The following ZSWIM5 variants were observed in gnomAD, a reference collection of about 807,000 sequenced individuals.
ZSWIM5 encodes zinc finger SWIM-type containing 5, also known as zinc finger SWIM domain-containing protein 5.
ZSWIM5 carries 55 observed loss-of-function variants against 119.6 expected under a neutral mutation model. That is an observed-to-expected ratio of 0.46 (90% CI 0.37 to 0.58). The LOEUF (loss-of-function observed/expected upper bound fraction) is 0.58, where lower values mean the gene tolerates loss of function less well. Ranked by LOEUF, ZSWIM5 falls within the 20% of genes least tolerant of loss-of-function variation. ZSWIM5 has a pLI of 0.00. For synonymous variants in ZSWIM5, 537 were observed against 606.9 expected, an observed-to-expected ratio of 0.88 and a Z score of 1.69; for missense variants, 1,193 against 1,512.8, an observed-to-expected ratio of 0.79 and a Z score of 3.51.
At chr1:45,125,549 G>A (rs1645615778) in intron 1 of ZSWIM5, among the ~76,000 whole-genome samples, 2 of 151,154 alleles carry the variant, frequency 1.3e-5, no homozygotes, top group South Asian at 4.2e-4. Flanking sequence ...CCAACGCAGG[G>A]GGAATCACGA....
rs115776679 is a variant in ZSWIM5 at position 45,061,290 on chromosome 1, C to A, written c.953-1043G>T. 9.9e-3 allele frequency among the ~76,000 whole-genome samples: 1,505 copies of A among 151,736 alleles called. 23 individuals carry two copies. Among genetic ancestry groups the A allele is most frequent in the African/African-American group, 0.035 (1,432 of 41,352 alleles). On this transcript the variant is annotated intron_variant, in intron 2 of 13. Coordinates refer to ENST00000359600, the MANE Select transcript of ZSWIM5 (RefSeq NM_020883.2). ...CTCTCTTATAGACAGAGTGCTGTAA[C>A]AATTTGTTTTTTAAAAAATTTTAAC...
At chr1:45,115,403 G>A (rs1396172639) in intron 1 of ZSWIM5, among the ~76,000 whole-genome samples, 5 of 149,088 alleles carry the variant, frequency 3.4e-5, no homozygotes, top group African/African-American at 1.2e-4. Flanking sequence ...TGGGCGGAGG[G>A]GCTCCTCACT....
intron 5 of ZSWIM5, among the ~76,000 whole-genome samples, chr1:45,049,046 A>T (rs1189166595): frequency 6.6e-6 from 1 of 152,090 alleles, no homozygotes; most frequent in African/African-American, 2.4e-5. Context: ...TGGGAGGATC[A>T]CTGAAGCCTG....
chr1:45,180,977 A>T (rs1192335241), intron 1 of ZSWIM5, among the ~76,000 whole-genome samples: 1 of 152,094 alleles, frequency 6.6e-6, no homozygotes, highest in Non-Finnish European at 1.5e-5. Flanking sequence ...AACCACAAAG[A>T]TGGGGGAAAA....
intron 1 of ZSWIM5, among the ~76,000 whole-genome samples, chr1:45,165,949 C>T (rs1200691302): frequency 6.6e-6 from 1 of 152,098 alleles, no homozygotes; most frequent in African/African-American, 2.4e-5. Context: ...AAGAGGGAAT[C>T]CTCCCTAACT....
chr1:45,136,398 A>G lies in ZSWIM5; in HGVS notation c.596-48161T>C, dbSNP rs989432567. Among the ~76,000 whole-genome samples the G allele has an allele frequency of 1.2e-4, 18 of 152,312 alleles. No homozygotes were observed. In the South Asian group the frequency reaches 1.7e-3, roughly 14 times the overall value. Reference sequence around the variant, plus strand: ...GCAACTGGGATTACAAGTGTGAGCCACCGCATCCGGCCCATTTGGGTTTTC... The same window carrying G: ...GCAACTGGGATTACAAGTGTGAGCCGCCGCATCCGGCCCATTTGGGTTTTC... On this transcript the variant is annotated intron_variant, in intron 1 of 13. Transcript: ENST00000359600.
chr1:45,109,614 G>A (rs11211080), intron 1 of ZSWIM5, among the ~76,000 whole-genome samples: 22,616 of 151,756 alleles, frequency 0.15, 2,144 homozygotes, highest in African/African-American at 0.26. Context: ...GCATGGTGGC[G>A]CGCGCCTGTA....
chr1:45,021,045 T>A (rs1420476811), intron 11 of ZSWIM5, among the ~76,000 whole-genome samples: 1 of 152,000 alleles, frequency 6.6e-6, no homozygotes, highest in African/African-American at 2.4e-5. Flanking sequence ...AGGATCCTTT[T>A]TTTTTTTGGA....
chr1:45,114,573 TAATA>T lies in ZSWIM5; in HGVS notation c.596-26340_596-26337del, dbSNP rs1456852562. Among the ~76,000 whole-genome samples the T allele has an allele frequency of 2.6e-5, 4 of 152,022 alleles. No homozygotes were observed. The East Asian group carries it at 7.7e-4, about 29-fold the overall frequency. ...CTTTTTCAATAATTGATAGAAAAAA[TAATA>T]TATAGTTCTGCTTTTTCAAATGACA... On this transcript the variant is annotated intron_variant, in intron 1 of 13. Transcript: ENST00000359600.
intron 1 of ZSWIM5, among the ~76,000 whole-genome samples, chr1:45,114,803 T>G (rs1421241079): frequency 6.6e-6 from 1 of 152,228 alleles, no homozygotes; most frequent in Non-Finnish European, 1.5e-5. Flanking sequence ...CCTTCCGCAG[T>G]GTTTGTGTCC....
At chr1:45,120,270 G>A (rs563724130) in intron 1 of ZSWIM5, among the ~76,000 whole-genome samples, 262 of 152,304 alleles carry the variant, frequency 1.7e-3, no homozygotes, top group Non-Finnish European at 3.1e-3. Context: ...CTTGAACCCC[G>A]GAGGGGGAGG....
At chr1:45,190,532 GTTCCC>G (rs972321842) in intron 1 of ZSWIM5, among the ~76,000 whole-genome samples, 4 of 152,120 alleles carry the variant, frequency 2.6e-5, no homozygotes, top group African/African-American at 9.7e-5. Flanking sequence ...TGGAGGAGCG[GTTCCC>G]TTATAGGGTG....
intron 1 of ZSWIM5, among the ~76,000 whole-genome samples, chr1:45,177,603 A>G (rs1645989177): frequency 6.6e-6 from 1 of 152,134 alleles, no homozygotes; most frequent in African/African-American, 2.4e-5. Flanking sequence ...CTGCTGCTTT[A>G]TAAGACAATT....
chr1:45,204,798 C>T (rs913126226), intron 1 of ZSWIM5, among the ~76,000 whole-genome samples: 2 of 152,032 alleles, frequency 1.3e-5, no homozygotes, highest in Non-Finnish European at 2.9e-5. Context: ...TTCCAGAATG[C>T]CATAATAATC....
intron 1 of ZSWIM5, among the ~76,000 whole-genome samples, chr1:45,154,606 G>A (rs1645816532): frequency 6.6e-6 from 1 of 152,178 alleles, no homozygotes; most frequent in Non-Finnish European, 1.5e-5. Context: ...GATTGACCAG[G>A]TGTGGTGGCT....
At chr1:45,047,078 G>A (rs907959048) in intron 5 of ZSWIM5, among the ~76,000 whole-genome samples, 1 of 151,402 alleles carries the variant, frequency 6.6e-6, no homozygotes, top group Non-Finnish European at 1.5e-5. Context: ...TGGGCACTAT[G>A]GCATTTTAGA....
In ZSWIM5 at chr1:45,072,366, G is replaced by A. The variant is rs1162053290; in HGVS notation, c.953-12119C>T. On this transcript the variant is annotated intron_variant, in intron 2 of 13. Transcript: ENST00000359600. The surrounding 1 kb of genome is among the most constrained non-coding windows in gnomAD (Gnocchi z 4.1). Reference sequence around the variant, plus strand: ...GTTTGCTAATATTTTCTCCCATTCTGTGGTTTGTCTCTTCACTTTGTCAAT... The same window carrying A: ...GTTTGCTAATATTTTCTCCCATTCTATGGTTTGTCTCTTCACTTTGTCAAT... 6.6e-6 allele frequency among the ~76,000 whole-genome samples: 1 copy of A among 151,912 alleles called. No individual in the cohort carries two copies. The highest frequency in any genetic ancestry group is 2.4e-5 in the African/African-American group (1 of 41,220).
At chr1:45,049,318 G>T in intron 5 of ZSWIM5, among the ~76,000 whole-genome samples, 1 of 152,186 alleles carries the variant, frequency 6.6e-6, no homozygotes, top group Admixed American at 6.5e-5. Flanking sequence ...ATTTTAAGAA[G>T]GTAGGAAGAA....
chr1:45,203,559 A>G (rs1646170407), intron 1 of ZSWIM5, among the ~76,000 whole-genome samples: 1 of 152,048 alleles, frequency 6.6e-6, no homozygotes. Flanking sequence ...TAATTAATTG[A>G]GTTTGAAGTG....
Sources: gnomAD v4.1 joint callset for allele counts (sites outside exome capture counted in the v4.1 genomes callset) on GRCh38, gnomAD v4.1.1 for gene constraint, Gnocchi (gnomAD v3.1) non-coding constraint, MANE v1.5 for transcripts, NCBI Gene and HGNC (gene_info 2026-07-23, HGNC 2026-07-21) for gene names.